The following ERICH1 variants were observed in gnomAD, a reference collection of about 807,000 sequenced individuals.
The protein encoded by ERICH1 is glutamate-rich protein 1.
Under a neutral mutation model 39.6 loss-of-function variants are expected in ERICH1, and 56 were observed. The ratio of observed to expected loss-of-function variants is 1.41; its 90% CI spans 1.14 to 1.77. The LOEUF (loss-of-function observed/expected upper bound fraction) is 1.77. Among genes scored for constraint, ERICH1 ranks in the 40% most tolerant of loss-of-function variants. The pLI, the probability that ERICH1 is intolerant of heterozygous loss-of-function variation, is 0.00. For synonymous variants in ERICH1, 313 were observed against 223.6 expected (o/e 1.40, Z -3.57); for missense variants, 826 against 575.4 (o/e 1.44, Z -4.45).
downstream of ERICH1, among the ~76,000 whole-genome samples, chr8:664,038 C>T (rs902006083): frequency 1.3e-5 from 2 of 152,174 alleles, no homozygotes; most frequent in Admixed American, 6.5e-5. Flanking sequence ...GGATTACAGG[C>T]GTGAGCCACC....
At chr8:715,824 G>T (rs775962211) in intron 2 of ERICH1, 37 bp downstream of exon 2, 2 of 1,581,786 alleles carry the variant, frequency 1.3e-6, no homozygotes, top group Non-Finnish European at 1.7e-6. Context: ...GTTAACTTCA[G>T]TTTCTGAGAC....
chr8:616,652 C>T lies in ERICH1; in HGVS notation c.977-1368G>A, dbSNP rs951046152. ...GCAGAGACAGAGAAGGAGAGACAGA[C>T]GGGGGCGCGGGGGACAGAGGCAGAG... is the stretch of plus-strand genomic sequence containing the variant. On this transcript the variant is annotated intron_variant, in intron 3 of 3. Transcript: ENST00000522706. The T allele has an allele frequency of 7.7e-5, 34 of 444,408 alleles. 1 individual carries two copies. Among genetic ancestry groups the T allele is most frequent in the South Asian group, 2.7e-4 (17 of 63,572 alleles). The allele number at this position is 444,408 out of a possible 1,614,324, so 27.5% of individuals were successfully genotyped here. A position where few individuals can be genotyped will look rare whatever the true frequency, so the allele number is the denominator to read the frequency against.
At chr8:700,012 C>T (rs1344318663) in intron 2 of ERICH1, among the ~76,000 whole-genome samples, 2 of 140,102 alleles carry the variant, frequency 1.4e-5, no homozygotes, top group East Asian at 4.3e-4. Flanking sequence ...CGCACAGACC[C>T]GCACACGCGC....
At chr8:660,545 G>C (rs1005228752), downstream of ERICH1, among the ~76,000 whole-genome samples, 1 of 152,238 alleles carries the variant, frequency 6.6e-6, no homozygotes, top group Non-Finnish European at 1.5e-5. Flanking sequence ...CCCACACAGA[G>C]GTCCCAGCCC....
chr8:671,274 A>C (rs1803298990), intron 4 of ERICH1, among the ~76,000 whole-genome samples: 1 of 112,142 alleles, frequency 8.9e-6, no homozygotes, highest in Non-Finnish European at 1.8e-5. Flanking sequence ...CCGACCACTG[A>C]GCGCGCTGGT....
intron 3 of ERICH1, among the ~76,000 whole-genome samples, chr8:656,175 C>T (rs974689265): frequency 4.6e-5 from 7 of 152,168 alleles, no homozygotes; most frequent in Admixed American, 4.6e-4. Context: ...CCCCTCATCC[C>T]CACAGCATCT....
chr8:662,969 C>T (rs573884479), downstream of ERICH1, among the ~76,000 whole-genome samples: 1 of 152,310 alleles, frequency 6.6e-6, no homozygotes, highest in South Asian at 2.1e-4. Context: ...TCATGTGTGG[C>T]CTCCTGGGAA....
Position 618,018 on chromosome 8 carries a change from G to C in ERICH1, c.977-2734C>G, listed in dbSNP as rs936930324. Among the ~76,000 whole-genome samples, 5 of 144,450 alleles carry C rather than the reference G, an allele frequency of 3.5e-5. No homozygotes were observed. The Admixed American group carries it at 3.5e-4, about 10-fold the overall frequency. 94.8% of individuals were successfully genotyped at this position (144,450 alleles called of 152,430 possible). A position where few individuals can be genotyped will look rare whatever the true frequency, so the allele number is the denominator to read the frequency against. On this transcript the variant is annotated intron_variant, in intron 3 of 3. Transcript: ENST00000522706. ...TCTAAGTGGTCAGTACTTGGTGCTT[G>C]GTCCATCCTCACTGCCATATGAGTG... is the stretch of plus-strand genomic sequence containing the variant.
chr8:617,860 G>C (rs552319275), intron 3 of ERICH1, among the ~76,000 whole-genome samples: 136 of 137,444 alleles, frequency 9.9e-4, no homozygotes, highest in African/African-American at 3.6e-3. Flanking sequence ...GCTCAGTACT[G>C]AGTGCTCCAT....
intron 3 of ERICH1, among the ~76,000 whole-genome samples, chr8:633,896 C>T (rs1423212072): frequency 6.6e-6 from 1 of 152,156 alleles, no homozygotes; most frequent in Non-Finnish European, 1.5e-5. Flanking sequence ...CAAAGTACAT[C>T]AAAGACCTAA....
chr8:669,787 G>A (rs552939974), intron 4 of ERICH1, among the ~76,000 whole-genome samples: 15 of 152,338 alleles, frequency 9.8e-5, no homozygotes, highest in African/African-American at 1.7e-4. Flanking sequence ...ACAAGCCCCC[G>A]ACTTCCCCTG....
At chr8:694,578 C>T (rs1809694553) in intron 2 of ERICH1, among the ~76,000 whole-genome samples, 2 of 152,166 alleles carry the variant, frequency 1.3e-5, no homozygotes, top group South Asian at 4.1e-4. Flanking sequence ...TGACCGCGGG[C>T]CAGGGCTGCA....
chr8:686,949 G>A (rs562491172), intron 3 of ERICH1, among the ~76,000 whole-genome samples: 290 of 152,076 alleles, frequency 1.9e-3, no homozygotes, highest in African/African-American at 6.8e-3. Flanking sequence ...GCGGAGCGGG[G>A]GGCAGCCCCA....
In ERICH1 at chr8:714,999, C is replaced by T. The variant is rs75926330; in HGVS notation, c.169+862G>A. ...GTGCTGCGCACAGCCGGTCTATTCT[C>T]GTGTCTCTTGGTGGGATGTCTTACA... is the stretch of plus-strand genomic sequence containing the variant. On this transcript the variant is annotated intron_variant, in intron 2 of 5. Coordinates refer to ENST00000262109, the MANE Select transcript of ERICH1 (RefSeq NM_207332.3). 2.5e-3 allele frequency among the ~76,000 whole-genome samples: 379 copies of T among 152,006 alleles called. 6 individuals carry two copies. The highest frequency in any genetic ancestry group is 8.7e-3 in the African/African-American group (359 of 41,464).
chr8:652,313 CAG>C (rs1402635430), intron 3 of ERICH1, among the ~76,000 whole-genome samples: 2 of 152,224 alleles, frequency 1.3e-5, no homozygotes, highest in Non-Finnish European at 2.9e-5. Flanking sequence ...CTGGCCCCGT[CAG>C]AGTCACCACC....
At chr8:709,092 T>C (rs1469087951) in intron 2 of ERICH1, among the ~76,000 whole-genome samples, 1 of 152,178 alleles carries the variant, frequency 6.6e-6, no homozygotes, top group Non-Finnish European at 1.5e-5. Flanking sequence ...CAGTAAATTG[T>C]ATACTTTGAA....
chr8:700,216 C>G (rs111161372), intron 2 of ERICH1, among the ~76,000 whole-genome samples: 34,151 of 40,402 alleles, frequency 0.85, 14,948 homozygotes, highest in African/African-American at 0.89. Flanking sequence ...CAGGCGCACA[C>G]ACCCGCACAC....
At chr8:674,988 G>C (rs73521111) in intron 3 of ERICH1, among the ~76,000 whole-genome samples, 27,755 of 151,990 alleles carry the variant, frequency 0.18, 3,426 homozygotes, top group East Asian at 0.48. Flanking sequence ...GAACAGAAGA[G>C]GTAGCACAGC....
intron 1 of ERICH1, among the ~76,000 whole-genome samples, chr8:718,563 G>A (rs1037841901): frequency 2.0e-5 from 3 of 152,202 alleles, no homozygotes; most frequent in East Asian, 1.9e-4. Flanking sequence ...AGTAGAAGGC[G>A]GGAACAATGT....
Sources: gnomAD v4.1 joint callset for allele counts (sites outside exome capture counted in the v4.1 genomes callset) on GRCh38, gnomAD v4.1.1 for gene constraint, MANE v1.5 for transcripts, NCBI Gene and HGNC (gene_info 2026-07-23, HGNC 2026-07-21) for gene names.